Variants in EFNA5 observed in about 807,000 individuals in gnomAD.
The protein encoded by EFNA5 is ephrin-A5.
In EFNA5, 5 loss-of-function variants were observed where a neutral mutation model predicts 22.9. The observed-to-expected ratio is 0.22, with a 90% CI of 0.11 to 0.46. The LOEUF is 0.46. EFNA5 is among the 20% of genes least tolerant of loss of function. EFNA5 has a pLI of 0.99. For synonymous variants in EFNA5, 113 were observed against 112.2 expected (o/e 1.01, Z -0.04); for missense variants, 237 against 293.3 (o/e 0.81, Z 1.40).
chr5:107,499,198 G>A (rs933961396), intron 1 of EFNA5, among the ~76,000 whole-genome samples: 4 of 151,746 alleles, frequency 2.6e-5, no homozygotes, highest in Admixed American at 6.6e-5. Context: ...TTTTTAAATC[G>A]GGAGAAAGTA....
chr5:107,606,776 C>T (rs993531559), intron 1 of EFNA5, among the ~76,000 whole-genome samples: 2 of 152,108 alleles, frequency 1.3e-5, no homozygotes, highest in African/African-American at 2.4e-5. Flanking sequence ...CCATCTTTTC[C>T]CCTCTCTCCG....
intron 1 of EFNA5, among the ~76,000 whole-genome samples, chr5:107,430,759 ATTAT>A (rs1430458379): frequency 2.0e-3 from 274 of 135,376 alleles, no homozygotes; most frequent in African/African-American, 7.1e-3. Context: ...CCCAGCAATT[ATTAT>A]TTCTTTCTTT....
At position 107,379,578 on chromosome 5, in the gene EFNA5, C is replaced by T. The variant is rs974050867; in HGVS notation, c.*1677G>A. 2.2e-5 allele frequency: 3 copies of T among 133,558 alleles called. No individual in the cohort carries two copies. The highest frequency in any genetic ancestry group is 8.4e-5 in the African/African-American group (3 of 35,878). 8.3% of individuals were successfully genotyped at this position (133,558 alleles called of 1,614,324 possible). ...AAAAAAAAAAAAAAGGGCTGGATTG[C>T]TTTTCAATTGGTCTAACACTTTTCC... On this transcript the variant is annotated 3_prime_UTR_variant, in exon 5 of 5. Coordinates refer to ENST00000333274, the MANE Select transcript of EFNA5 (RefSeq NM_001962.3).
chr5:107,406,111 T>C (rs1172308248), intron 2 of EFNA5, among the ~76,000 whole-genome samples: 1 of 141,660 alleles, frequency 7.1e-6, no homozygotes, highest in East Asian at 2.0e-4. Flanking sequence ...ACATATTCTA[T>C]GTATTTATAT....
intron 1 of EFNA5, among the ~76,000 whole-genome samples, chr5:107,666,895 C>G (rs188011574): frequency 5.9e-5 from 9 of 152,234 alleles, no homozygotes; most frequent in Non-Finnish European, 1.2e-4. Context: ...TATTATGACT[C>G]TCTTTATAAG....
chr5:107,558,036 C>T (rs1241152092), intron 1 of EFNA5, among the ~76,000 whole-genome samples: 1 of 152,180 alleles, frequency 6.6e-6, no homozygotes, highest in East Asian at 1.9e-4. Context: ...AGAATAGTGC[C>T]TGGCACATGG....
intron 1 of EFNA5, among the ~76,000 whole-genome samples, chr5:107,627,643 A>G (rs1750170656): frequency 1.3e-5 from 2 of 151,914 alleles, no homozygotes; most frequent in Non-Finnish European, 2.9e-5. Flanking sequence ...CTCAAAAAAA[A>G]AAAAAAAAAA....
chr5:107,450,534 G>T (rs1160368017), intron 1 of EFNA5, among the ~76,000 whole-genome samples: 1 of 152,126 alleles, frequency 6.6e-6, no homozygotes, highest in Non-Finnish European at 1.5e-5. Context: ...TCAAAGTATT[G>T]CTCAGTAACT....
In EFNA5 at chr5:107,617,394, A is replaced by C. The variant is rs372048098; in HGVS notation, c.125+53095T>G. 8.5e-5 allele frequency among the ~76,000 whole-genome samples: 13 copies of C among 152,176 alleles called. 1 individual carries two copies. The highest frequency in any genetic ancestry group is 3.1e-4 in the African/African-American group (13 of 41,498). On this transcript the variant is annotated intron_variant, in intron 1 of 4. Transcript: ENST00000333274. ...CCAGATGCTGGTCACTGTTTTAAAA[A>C]CCTGGAGAGATATCAAAGTTGATAG...
At chr5:107,449,026 C>T (rs1749477190) in intron 1 of EFNA5, among the ~76,000 whole-genome samples, 1 of 151,840 alleles carries the variant, frequency 6.6e-6, no homozygotes, top group Non-Finnish European at 1.5e-5. Flanking sequence ...TTAAATACTT[C>T]CCCTATACCT....
At chr5:107,427,109 T>G in intron 2 of EFNA5, 108 bp downstream of exon 2, 1 of 1,169,304 alleles carries the variant, frequency 8.6e-7, no homozygotes, top group Non-Finnish European at 1.2e-6. Flanking sequence ...TACAAGGAGA[T>G]ATCTGTAATG....
chr5:107,447,094 A>C (rs1749418077), intron 1 of EFNA5, among the ~76,000 whole-genome samples: 1 of 152,214 alleles, frequency 6.6e-6, no homozygotes, highest in Admixed American at 6.5e-5. Context: ...AGCAGAGTTA[A>C]GACCCCTGAG....
At chr5:107,387,106 G>A (rs183218820) in intron 4 of EFNA5, 129 bp downstream of exon 4, 26 of 574,940 alleles carry the variant, frequency 4.5e-5, no homozygotes, top group East Asian at 1.8e-4. Flanking sequence ...TATTAGCATC[G>A]CTAGCAATGA....
intron 2 of EFNA5, among the ~76,000 whole-genome samples, chr5:107,411,093 A>G (rs1398751664): frequency 6.6e-6 from 1 of 152,260 alleles, no homozygotes; most frequent in Non-Finnish European, 1.5e-5. Flanking sequence ...CTAGAAAAAT[A>G]TAAGAGTACT....
intron 1 of EFNA5, among the ~76,000 whole-genome samples, chr5:107,485,428 T>C (rs1746590680): frequency 6.6e-6 from 1 of 152,210 alleles, no homozygotes; most frequent in Admixed American, 6.5e-5. Flanking sequence ...TTTCAAGTTT[T>C]GGGGATGACA....
chr5:107,592,754 G>GA (rs1383380566), intron 1 of EFNA5, among the ~76,000 whole-genome samples: 1 of 152,116 alleles, frequency 6.6e-6, no homozygotes, highest in African/African-American at 2.4e-5. Flanking sequence ...TGCTTGCAGT[G>GA]GAGCTGTACA....
chr5:107,399,676 C>T (rs1748034492), intron 2 of EFNA5, among the ~76,000 whole-genome samples: 1 of 152,176 alleles, frequency 6.6e-6, no homozygotes, highest in East Asian at 1.9e-4. Flanking sequence ...AGAAACCTCT[C>T]AGCAAGTTAA....
intron 1 of EFNA5, among the ~76,000 whole-genome samples, chr5:107,509,483 T>C (rs1465827998): frequency 7.8e-6 from 1 of 127,560 alleles, no homozygotes; most frequent in African/African-American, 3.2e-5. Context: ...CATGCTTGGC[T>C]AATTTTTTTT....
At position 107,670,681 on chromosome 5, in the gene EFNA5, G is replaced by C; in HGVS notation, c.-68C>G. The C allele has an allele frequency of 5.1e-6, 8 of 1,562,230 alleles. No homozygotes were observed. The highest frequency in any genetic ancestry group is 4.7e-5 in the South Asian group (4 of 84,334). Reference sequence around the variant, plus strand: ...GAGAGAGCGGGGATCCGGAGGGAGGGAGGCAGGCAAAGGGACAGAGAGAGA... The same window carrying C: ...GAGAGAGCGGGGATCCGGAGGGAGGCAGGCAGGCAAAGGGACAGAGAGAGA... On this transcript the variant is annotated 5_prime_UTR_variant, in exon 1 of 5. Coordinates refer to ENST00000333274, the MANE Select transcript of EFNA5 (RefSeq NM_001962.3).
Sources: gnomAD v4.1 joint callset for allele counts (sites outside exome capture counted in the v4.1 genomes callset) on GRCh38, gnomAD v4.1.1 for gene constraint, MANE v1.5 for transcripts, NCBI Gene and HGNC (gene_info 2026-07-23, HGNC 2026-07-21) for gene names.